MYO1D: variants seen among roughly 807,000 people sequenced by gnomAD.
MYO1D encodes myosin ID.
A neutral mutation model predicts 122.0 loss-of-function variants in MYO1D; 83 were observed. The observed-to-expected ratio is 0.68, with a 90% CI of 0.57 to 0.82. MYO1D has a LOEUF of 0.82. MYO1D is among the 40% of genes least tolerant of loss of function. MYO1D has a pLI of 0.00. For synonymous variants in MYO1D, 464 were observed against 446.9 expected (o/e 1.04, Z -0.48); for missense variants, 1,157 against 1,269.5 (o/e 0.91, Z 1.35).
intron 16 of MYO1D, among the ~76,000 whole-genome samples, chr17:32,705,323 G>A (rs909488127): frequency 1.3e-5 from 2 of 151,908 alleles, no homozygotes; most frequent in African/African-American, 4.8e-5. Context: ...GCAGTGGCAC[G>A]ATCTCAGCTC....
chr17:32,577,905 A>T (rs2087293946), intron 21 of MYO1D, among the ~76,000 whole-genome samples: 1 of 151,830 alleles, frequency 6.6e-6, no homozygotes, highest in African/African-American at 2.4e-5. Flanking sequence ...CGCCTGGCTA[A>T]TTTTTTTGTA....
At chr17:32,730,773 C>T (rs1218799017) in intron 14 of MYO1D, among the ~76,000 whole-genome samples, 4 of 152,178 alleles carry the variant, frequency 2.6e-5, no homozygotes, top group Admixed American at 6.5e-5. Flanking sequence ...ATTGGGCTTC[C>T]TGATTCTGTT....
Position 32,563,206 on chromosome 17 carries a change from CT to C in MYO1D, c.2864+41880del, listed in dbSNP as rs1279675450. Among the ~76,000 whole-genome samples the C allele has an allele frequency of 1.8e-3, 170 of 95,972 alleles. 1 individual carries two copies. The Middle Eastern group carries it at 0.031, about 17-fold the overall frequency. The allele number at this position is 95,972 out of a possible 152,430, so 63.0% of individuals were successfully genotyped here. ...AATTACAGCTCTTTTTTTCTTCTCT[CT>C]TTTTTTTTTTTTTTTTTTTTGAGAC... On this transcript the variant is annotated intron_variant, in intron 21 of 21. Transcript: ENST00000318217.
chr17:32,506,837 C>T (rs1056787264), intron 21 of MYO1D, among the ~76,000 whole-genome samples: 3 of 151,958 alleles, frequency 2.0e-5, no homozygotes, highest in African/African-American at 4.8e-5. Context: ...CATTAGAGAC[C>T]GGGTGCAGTG....
chr17:32,527,162 A>G (rs1910370531), intron 21 of MYO1D, among the ~76,000 whole-genome samples: 1 of 152,224 alleles, frequency 6.6e-6, no homozygotes. Flanking sequence ...ACTGCAAGGC[A>G]GGATTTGGCC....
intron 21 of MYO1D, among the ~76,000 whole-genome samples, chr17:32,512,314 AAAAG>A (rs944371496): frequency 4.6e-5 from 7 of 152,104 alleles, no homozygotes; most frequent in African/African-American, 1.7e-4. Context: ...AAAAAAAAAA[AAAAG>A]AGCCATCATG....
At chr17:32,614,272 G>A (rs1476712686) in intron 20 of MYO1D, among the ~76,000 whole-genome samples, 8 of 22,376 alleles carry the variant, frequency 3.6e-4, no homozygotes, top group Admixed American at 1.3e-3. Context: ...CCCACACCCC[G>A]TCCAAAGCTA....
At chr17:32,549,925 T>C (rs1172513322) in intron 21 of MYO1D, among the ~76,000 whole-genome samples, 7 of 152,326 alleles carry the variant, frequency 4.6e-5, no homozygotes, top group East Asian at 1.9e-4. Context: ...ACACTCAGTA[T>C]TATCCATCAC....
intron 16 of MYO1D, among the ~76,000 whole-genome samples, chr17:32,678,188 T>C (rs2088850898): frequency 6.6e-6 from 1 of 152,176 alleles, no homozygotes; most frequent in Admixed American, 6.5e-5. Context: ...TTCATATCTA[T>C]AGGTCCCAGC....
At chr17:32,517,421 GGTGA>G (rs1439302698) in intron 21 of MYO1D, among the ~76,000 whole-genome samples, 1 of 152,156 alleles carries the variant, frequency 6.6e-6, no homozygotes, top group African/African-American at 2.4e-5. Context: ...CTTTGGGTTT[GGTGA>G]GTGTGTCCCC....
chr17:32,856,880 T>G (rs771113025), intron 1 of MYO1D, among the ~76,000 whole-genome samples: 1 of 152,176 alleles, frequency 6.6e-6, no homozygotes, highest in Non-Finnish European at 1.5e-5. Context: ...CTGGGAAATA[T>G]CCTCCTTTTT....
At position 32,812,474 on chromosome 17, in the gene MYO1D, G is replaced by A. The variant is rs144802888; in HGVS notation, c.96-31690C>T. Among the ~76,000 whole-genome samples, 715 of 152,310 alleles carry A rather than the reference G, an allele frequency of 4.7e-3. 7 individuals are homozygous for A. The highest frequency in any genetic ancestry group is 0.016 in the African/African-American group (684 of 41,558). ...AAGGTTACAAAGGTCAGGGGTGATA[G>A]AGCCACAGTTCAAACCCAGCAGTCT... On this transcript the variant is annotated intron_variant, in intron 1 of 21. Transcript: ENST00000318217.
intron 14 of MYO1D, among the ~76,000 whole-genome samples, chr17:32,724,485 A>G (rs1005600150): frequency 3.3e-5 from 5 of 152,354 alleles, no homozygotes; most frequent in Admixed American, 3.3e-4. Flanking sequence ...CTAACAACAC[A>G]GTGGAGAATT....
At chr17:32,522,529 TA>T (rs781053859) in intron 21 of MYO1D, among the ~76,000 whole-genome samples, 9 of 152,168 alleles carry the variant, frequency 5.9e-5, no homozygotes, top group Non-Finnish European at 8.8e-5. Flanking sequence ...CACTGTTTCC[TA>T]AATAGACAGC....
intron 21 of MYO1D, among the ~76,000 whole-genome samples, chr17:32,593,796 G>A (rs978424056): frequency 1.3e-5 from 2 of 152,178 alleles, no homozygotes; most frequent in Non-Finnish European, 1.5e-5. Flanking sequence ...AATTAGCCGG[G>A]CGTGGTGGAG....
At chr17:32,853,964 C>T (rs540305399) in intron 1 of MYO1D, among the ~76,000 whole-genome samples, 1 of 152,254 alleles carries the variant, frequency 6.6e-6, no homozygotes, top group East Asian at 1.9e-4. Flanking sequence ...TAGAATCTTC[C>T]CCCAACCTCT....
intron 21 of MYO1D, among the ~76,000 whole-genome samples, chr17:32,590,902 T>C (rs544489105): frequency 6.6e-6 from 1 of 152,346 alleles, no homozygotes; most frequent in Admixed American, 6.5e-5. Flanking sequence ...AAAAGTAATA[T>C]GATTACTCTA....
At chr17:32,620,941 C>T (rs1013476275) in intron 20 of MYO1D, among the ~76,000 whole-genome samples, 1 of 152,080 alleles carries the variant, frequency 6.6e-6, no homozygotes, top group Non-Finnish European at 1.5e-5. Context: ...GTGCTTAGAA[C>T]CAGAAATCTT....
At chr17:32,694,246 C>T (rs918595940) in intron 16 of MYO1D, among the ~76,000 whole-genome samples, 6 of 152,064 alleles carry the variant, frequency 3.9e-5, no homozygotes, top group African/African-American at 9.7e-5. Flanking sequence ...ATTTCCTCGC[C>T]GGAGGAGTTT....
Sources: allele counts gnomAD v4.1 joint callset (sites outside exome capture counted in the v4.1 genomes callset), GRCh38; gene constraint gnomAD v4.1.1; transcripts MANE v1.5; gene names NCBI Gene and HGNC (gene_info 2026-07-23, HGNC 2026-07-21).